The following MYH14 variants were observed in gnomAD, a reference collection of about 807,000 sequenced individuals.
The protein encoded by MYH14 is myosin heavy chain 14.
MYH14 carries 123 observed loss-of-function variants against 255.5 expected under a neutral mutation model. The observed-to-expected ratio is 0.48, with a 90% CI of 0.42 to 0.56. The LOEUF is 0.56. Ranked by LOEUF, MYH14 falls within the 20% of genes least tolerant of loss-of-function variation. MYH14 has a pLI of 0.00. For synonymous variants in MYH14, 1,095 were observed against 1,161.2 expected (o/e 0.94, Z 1.16); for missense variants, 2,423 against 2,802.3 (o/e 0.86, Z 3.06).
At position 50,276,914 on chromosome 19, in the gene MYH14, A is replaced by G. The variant is rs1319353572; in HGVS notation, c.3825+13A>G. On this transcript the variant is annotated intron_variant, in intron 29 of 42. Coordinates refer to ENST00000642316, the MANE Select transcript of MYH14 (RefSeq NM_001145809.2). This position sits in a 1 kb window ranked among gnomAD's most constrained non-coding sequence, Gnocchi z 4.3. ...GCAGGCCCGGAGGGTGGGTTGGGGCAGGGGGACAGGGCAGGGGGGCCACGG... is the reference window on the plus strand; with the variant it reads ...GCAGGCCCGGAGGGTGGGTTGGGGCGGGGGGACAGGGCAGGGGGGCCACGG... The G allele has an allele frequency of 2.4e-5, 13 of 531,222 alleles. No individual in the cohort carries two copies. The highest frequency in any genetic ancestry group is 4.6e-5 in the South Asian group (2 of 43,264). The allele number at this position is 531,222 out of a possible 1,614,324, so 32.9% of individuals were successfully genotyped here.
intron 17 of MYH14, among the ~76,000 whole-genome samples, chr19:50,256,277 A>C (rs2034588041): frequency 6.6e-6 from 1 of 152,170 alleles, no homozygotes; most frequent in South Asian, 2.1e-4. Context: ...ACTGTGTCTC[A>C]GAAAACAAAC....
chr19:50,280,348 C>A lies in MYH14; in HGVS notation c.4255C>A (p.Arg1419=). ...QLEEEAAARE[R]AGRELQTAQA... ...GGAGGAGGAGGCAGCTGCCAGGGAACGGGCGGGCCGTGAACTGCAGACTGC... is the reference window on the plus strand; with the variant it reads ...GGAGGAGGAGGCAGCTGCCAGGGAAAGGGCGGGCCGTGAACTGCAGACTGC... The change falls in exon 32 of 43, where the codon CGG becomes AGG. Residue 1419 remains arginine, a synonymous_variant. Transcript: ENST00000642316. This position sits in a 1 kb window ranked among gnomAD's most constrained non-coding sequence, Gnocchi z 4.8. The A allele has an allele frequency of 7.8e-6, 12 of 1,547,496 alleles. No individual in the cohort carries two copies. Among genetic ancestry groups the A allele is most frequent in the Non-Finnish European group, 1.0e-5 (12 of 1,145,478 alleles).
At chr19:50,303,494 C>A (rs2036560577) in intron 40 of MYH14, among the ~76,000 whole-genome samples, 1 of 152,198 alleles carries the variant, frequency 6.6e-6, no homozygotes, top group African/African-American at 2.4e-5. Context: ...TCCTATTAAC[C>A]AAAGCAAGTC....
intron 3 of MYH14, among the ~76,000 whole-genome samples, chr19:50,222,086 C>G (rs895718515): frequency 2.6e-5 from 4 of 152,086 alleles, no homozygotes; most frequent in Non-Finnish European, 4.4e-5. Flanking sequence ...CACTCAGTGC[C>G]CATGGAGCTC....
intron 36 of MYH14, 57 bp from the exon 37 acceptor site, chr19:50,292,204 G>A: frequency 6.7e-7 from 1 of 1,503,544 alleles, no homozygotes; most frequent in East Asian, 2.5e-5. Context: ...GGGGGTGGAG[G>A]AGTTCCCTGT....
At chr19:50,260,849 G>A in intron 20 of MYH14, 134 bp downstream of exon 20, 1 of 704,386 alleles carries the variant, frequency 1.4e-6, no homozygotes, top group Non-Finnish European at 2.5e-6. Flanking sequence ...GTGTGTGCGT[G>A]TGTGTGTGCA....
intron 19 of MYH14, 94 bp downstream of exon 19, chr19:50,259,359 T>A: frequency 2.7e-6 from 4 of 1,478,000 alleles, no homozygotes; most frequent in Non-Finnish European, 3.7e-6. Context: ...CCACCCACTC[T>A]TGTTCCTTCT....
chr19:50,288,308 C>T (rs1402259990), intron 34 of MYH14, among the ~76,000 whole-genome samples: 1 of 152,186 alleles, frequency 6.6e-6, no homozygotes, highest in Admixed American at 6.5e-5. Context: ...ATCTTCTCCA[C>T]GCACTTAGAC....
intron 5 of MYH14, 110 bp from the exon 6 acceptor site, chr19:50,224,030 TTTCCCCAGTCCCCC>T: frequency 1.5e-6 from 1 of 674,574 alleles, no homozygotes; most frequent in African/African-American, 1.9e-5. Flanking sequence ...ACATGCCCGG[TTTCCCCAGTCCCCC>T]TTCCCCCACC....
intron 8 of MYH14, among the ~76,000 whole-genome samples, chr19:50,229,945 C>T (rs1036590266): frequency 1.3e-5 from 2 of 152,124 alleles, no homozygotes; most frequent in Admixed American, 1.3e-4. Context: ...GACAGAGTCT[C>T]ACTCTGTCGC....
intron 42 of MYH14, chr19:50,309,402 G>T: frequency 1.6e-6 from 1 of 615,862 alleles, no homozygotes; most frequent in Admixed American, 2.7e-5. Flanking sequence ...TTCCCACCGT[G>T]CACCACCACC....
At chr19:50,218,776 T>A (rs1340199260) in intron 3 of MYH14, among the ~76,000 whole-genome samples, 1 of 151,828 alleles carries the variant, frequency 6.6e-6, no homozygotes. Flanking sequence ...CCCTTCACCC[T>A]GAGTCCCCAA....
intron 33 of MYH14, chr19:50,285,416 T>C (rs2035861199): frequency 6.6e-6 from 1 of 152,186 alleles, no homozygotes. Context: ...CTTAGAAATG[T>C]TTTTTAGTTT....
Position 50,276,612 on chromosome 19 carries a change from C to A in MYH14, c.3681-145C>A. 1 of 1,027,860 alleles carries A rather than the reference C, an allele frequency of 9.7e-7. No homozygotes were observed. Among genetic ancestry groups the A allele is most frequent in the African/African-American group, 1.6e-5 (1 of 61,952 alleles). The allele number at this position is 1,027,860 out of a possible 1,614,324, so 63.7% of individuals were successfully genotyped here. A position where few individuals can be genotyped will look rare whatever the true frequency, so the allele number is the denominator to read the frequency against. ...CCTTAAAGCCACACTCCTTCCACAG[C>A]ATCACCACCCAGATCTCCTGAGGAG... On this transcript the variant is annotated intron_variant, in intron 28 of 42. Transcript: ENST00000642316. This position sits in a 1 kb window ranked among gnomAD's most constrained non-coding sequence, Gnocchi z 4.3.
intron 40 of MYH14, among the ~76,000 whole-genome samples, chr19:50,302,718 T>C (rs1445980086): frequency 6.6e-6 from 1 of 151,704 alleles, no homozygotes; most frequent in Non-Finnish European, 1.5e-5. Context: ...CTGACCAACA[T>C]GGAGAAACTG....
chr19:50,303,335 C>T (rs534030937), intron 40 of MYH14, among the ~76,000 whole-genome samples: 1 of 152,276 alleles, frequency 6.6e-6, no homozygotes, highest in East Asian at 1.9e-4. Context: ...ACTAAGCTAA[C>T]TTGTCTCTGC....
intron 35 of MYH14, among the ~76,000 whole-genome samples, chr19:50,290,372 T>C (rs1333123338): frequency 1.3e-5 from 2 of 152,198 alleles, no homozygotes; most frequent in Admixed American, 6.6e-5. Flanking sequence ...TCCAGGAACT[T>C]CCCATGTCTC....
intron 34 of MYH14, 105 bp downstream of exon 34, chr19:50,286,799 C>T: frequency 9.1e-7 from 1 of 1,103,860 alleles, no homozygotes; most frequent in East Asian, 2.6e-5. Context: ...CCATCAAAGT[C>T]ATATGTTCAT....
intron 1 of MYH14, among the ~76,000 whole-genome samples, chr19:50,209,404 T>G (rs1010337487): frequency 1.3e-5 from 2 of 152,038 alleles, no homozygotes; most frequent in Admixed American, 1.3e-4. Context: ...TCCCAGCACT[T>G]TGGGAGGCTG....
Sources: allele counts gnomAD v4.1 joint callset (sites outside exome capture counted in the v4.1 genomes callset), GRCh38; gene constraint gnomAD v4.1.1; non-coding constraint Gnocchi (gnomAD v3.1); transcripts MANE v1.5; gene names NCBI Gene and HGNC (gene_info 2026-07-23, HGNC 2026-07-21).